The following IKZF1 variants were observed in gnomAD, a reference collection of about 807,000 sequenced individuals.
IKZF1 encodes the protein DNA-binding protein Ikaros.
IKZF1 carries 10 observed loss-of-function variants against 51.7 expected under a neutral mutation model. The observed-to-expected ratio is 0.19, with a 90% CI of 0.12 to 0.33. IKZF1 has a LOEUF of 0.33. IKZF1 is among the 10% of genes least tolerant of loss of function. The pLI is 1.00. For synonymous variants in IKZF1, 280 were observed against 282.3 expected, an observed-to-expected ratio of 0.99 and a Z score of 0.08; for missense variants, 484 against 707.5, an observed-to-expected ratio of 0.68 and a Z score of 3.58.
At chr7:50,364,318 A>G (rs1459624289) in intron 3 of IKZF1, among the ~76,000 whole-genome samples, 1 of 152,270 alleles carries the variant, frequency 6.6e-6, no homozygotes, top group Admixed American at 6.5e-5. Context: ...AATAGGATTC[A>G]GAATCCAAGG....
intron 3 of IKZF1, among the ~76,000 whole-genome samples, chr7:50,363,876 C>T (rs1334464699): frequency 6.6e-6 from 1 of 152,216 alleles, no homozygotes; most frequent in East Asian, 1.9e-4. Context: ...GTGACTCTCA[C>T]TAGCTCAGTC....
chr7:50,374,183 C>A (rs1450673034), intron 3 of IKZF1, among the ~76,000 whole-genome samples: 1 of 152,200 alleles, frequency 6.6e-6, no homozygotes, highest in Non-Finnish European at 1.5e-5. Flanking sequence ...ACTGGCAGTA[C>A]AATCAGCCCT....
At chr7:50,384,230 C>T (rs1325201085) in intron 5 of IKZF1, among the ~76,000 whole-genome samples, 1 of 152,224 alleles carries the variant, frequency 6.6e-6, no homozygotes, top group Non-Finnish European at 1.5e-5. Context: ...TTGGCAAGAA[C>T]TCGGTCTCAC....
rs772543917 is a variant in IKZF1, at chr7:50,376,540, T to A, written c.168T>A (p.Asn56Lys). ...CTGTATTGTTTCTTTCAGCCAGTAA[T>A]GTTAAAGTAGAGACTCAGAGTGATG... ...SSKSDRVVAS[N>K]VKVETQSDEE... is the part of the protein sequence containing the mutation. The change falls in exon 4 of 8, where the codon AAT becomes AAA. Residue 56 changes from asparagine (N) to lysine (K), a missense_variant. By Grantham distance (94) the Asn-to-Lys change is moderately conservative. Coordinates refer to ENST00000331340, the MANE Select transcript of IKZF1 (RefSeq NM_006060.6). This position sits in a 1 kb window ranked among gnomAD's most constrained non-coding sequence, Gnocchi z 4.5. 6.2e-7 allele frequency: 1 copy of A among 1,613,710 alleles called. No homozygotes were observed. The highest frequency in any genetic ancestry group is 1.3e-5 in the African/African-American group (1 of 74,994).
chr7:50,354,935 C>CGTCACTTTGGTGACG (rs1351810168), intron 3 of IKZF1, among the ~76,000 whole-genome samples: 2 of 152,162 alleles, frequency 1.3e-5, no homozygotes, highest in African/African-American at 4.8e-5. Flanking sequence ...GCGTCAAAAA[C>CGTCACTTTGGTGACG]GTCACTTTGG....
At chr7:50,324,479 CT>C (rs1164954430) in intron 2 of IKZF1, among the ~76,000 whole-genome samples, 1 of 152,122 alleles carries the variant, frequency 6.6e-6, no homozygotes, top group Non-Finnish European at 1.5e-5. Context: ...TTTATTCTCC[CT>C]TCTCCCCATG....
intron 3 of IKZF1, among the ~76,000 whole-genome samples, chr7:50,345,482 TG>T (rs1226487982): frequency 6.6e-6 from 1 of 152,024 alleles, no homozygotes; most frequent in Non-Finnish European, 1.5e-5. Flanking sequence ...AGGTTTTGAG[TG>T]GTGTCAGCAC....
At chr7:50,352,237 G>A (rs1016230511) in intron 3 of IKZF1, among the ~76,000 whole-genome samples, 5 of 152,298 alleles carry the variant, frequency 3.3e-5, no homozygotes, top group Non-Finnish European at 7.3e-5. Flanking sequence ...GCTAATAGCT[G>A]TACCCTAAAT....
At chr7:50,312,317 G>C (rs1031064658) in intron 1 of IKZF1, among the ~76,000 whole-genome samples, 1 of 152,168 alleles carries the variant, frequency 6.6e-6, no homozygotes, top group African/African-American at 2.4e-5. Context: ...TAGTTTAAGA[G>C]TGGATGGTAC....
At chr7:50,386,673 T>G (rs1229733781) in intron 5 of IKZF1, among the ~76,000 whole-genome samples, 1 of 151,956 alleles carries the variant, frequency 6.6e-6, no homozygotes, top group Non-Finnish European at 1.5e-5. Flanking sequence ...GAAATACATA[T>G]ACATAGAAAA....
At position 50,376,473 on chromosome 7, in the gene IKZF1, G is replaced by GT; in HGVS notation, c.161-56dup. 6.3e-7 allele frequency: 1 copy of GT among 1,589,276 alleles called. No homozygotes were observed. Among genetic ancestry groups the GT allele is most frequent in the Non-Finnish European group, 8.6e-7 (1 of 1,168,926 alleles). On this transcript the variant is annotated intron_variant, in intron 3 of 7. Coordinates refer to ENST00000331340, the MANE Select transcript of IKZF1 (RefSeq NM_006060.6). The surrounding 1 kb of genome is among the most constrained non-coding windows in gnomAD (Gnocchi z 4.5). ...TTGATTGTCTTTTTGCTGCTGTGTT[G>GT]TTTTGTTGAGTTTTTTTTTTGCAAT...
At chr7:50,367,957 T>G (rs1171814007) in intron 3 of IKZF1, 1 of 635,598 alleles carries the variant, frequency 1.6e-6, no homozygotes, top group African/African-American at 1.8e-5. Context: ...CTGACTATAC[T>G]CTCTCCTGGT....
At chr7:50,331,567 A>G (rs1796450549) in intron 3 of IKZF1, among the ~76,000 whole-genome samples, 2 of 152,250 alleles carry the variant, frequency 1.3e-5, no homozygotes, top group Non-Finnish European at 2.9e-5. Flanking sequence ...TCAGTTTTAG[A>G]CAAATCTAAT....
At chr7:50,313,250 G>A (rs865941134) in intron 1 of IKZF1, among the ~76,000 whole-genome samples, 1 of 152,198 alleles carries the variant, frequency 6.6e-6, no homozygotes, top group Admixed American at 6.5e-5. Context: ...AAAGAGGTCT[G>A]TGACCTAAGG....
intron 2 of IKZF1, among the ~76,000 whole-genome samples, chr7:50,321,352 C>T (rs774734541): frequency 4.6e-5 from 7 of 152,214 alleles, no homozygotes; most frequent in Middle Eastern, 3.2e-3. Flanking sequence ...CATTTGGCTT[C>T]GCCAGCCTCT....
intron 3 of IKZF1, chr7:50,367,909 G>A (rs935456232): frequency 9.9e-6 from 6 of 604,738 alleles, no homozygotes; most frequent in Non-Finnish European, 1.2e-5. Context: ...GTAATAAAAC[G>A]TTCTTTTTTA....
chr7:50,325,668 G>A (rs570689263), intron 2 of IKZF1, among the ~76,000 whole-genome samples: 40 of 152,058 alleles, frequency 2.6e-4, no homozygotes, highest in African/African-American at 7.0e-4. Context: ...CCAGCTACTC[G>A]GGAGGCTGAG....
chr7:50,392,415 C>T (rs1342742565), intron 7 of IKZF1, among the ~76,000 whole-genome samples: 1 of 152,152 alleles, frequency 6.6e-6, no homozygotes, highest in Non-Finnish European at 1.5e-5. Flanking sequence ...AAGAACAAGA[C>T]CATTCGTCTC....
intron 1 of IKZF1, among the ~76,000 whole-genome samples, chr7:50,318,197 A>T (rs1792086574): frequency 6.6e-6 from 1 of 152,040 alleles, no homozygotes. Flanking sequence ...TACTCCACTG[A>T]TGCTGGGGTT....
Sources: allele counts gnomAD v4.1 joint callset (sites outside exome capture counted in the v4.1 genomes callset), GRCh38; gene constraint gnomAD v4.1.1; non-coding constraint Gnocchi (gnomAD v3.1); transcripts MANE v1.5; gene names NCBI Gene and HGNC (gene_info 2026-07-23, HGNC 2026-07-21).